Variants in PTK2 observed in about 807,000 individuals in gnomAD.
PTK2 encodes the protein protein tyrosine kinase 2.
In PTK2, 45 loss-of-function variants were observed where a neutral mutation model predicts 150.1. That is an observed-to-expected ratio of 0.30 (90% CI 0.24 to 0.38). PTK2 has a LOEUF of 0.38. Ranked by LOEUF, PTK2 falls within the 10% of genes least tolerant of loss-of-function variation. PTK2 has a pLI of 1.00. For missense variants in PTK2, 919 were observed against 1,307.3 expected (o/e 0.70, Z 4.58); for synonymous variants, 432 against 449.2 (o/e 0.96, Z 0.48).
At chr8:140,892,443 G>A (rs2100154561) in intron 2 of PTK2, among the ~76,000 whole-genome samples, 1 of 152,084 alleles carries the variant, frequency 6.6e-6, no homozygotes, top group African/African-American at 2.4e-5. Context: ...GGCTGAGGGG[G>A]GAGGATCACT....
At chr8:140,989,554 T>C (rs1053221930) in intron 1 of PTK2, among the ~76,000 whole-genome samples, 5 of 150,296 alleles carry the variant, frequency 3.3e-5, no homozygotes, top group East Asian at 2.0e-4. Context: ...GAAGACCTAA[T>C]AGAAAAATAC....
At chr8:140,908,648 C>T (rs2100161894) in intron 2 of PTK2, among the ~76,000 whole-genome samples, 2 of 152,100 alleles carry the variant, frequency 1.3e-5, no homozygotes, top group Admixed American at 1.3e-4. Context: ...AAGAATGATG[C>T]TAAATCCACT....
chr8:140,839,468 A>AT (rs1246058689), intron 7 of PTK2, among the ~76,000 whole-genome samples: 5 of 152,250 alleles, frequency 3.3e-5, no homozygotes, highest in African/African-American at 1.2e-4. Context: ...ACAGCTATGC[A>AT]TAAAAACTTG....
At chr8:140,952,396 T>C (rs563027341) in intron 1 of PTK2, among the ~76,000 whole-genome samples, 2 of 152,270 alleles carry the variant, frequency 1.3e-5, no homozygotes, top group South Asian at 2.1e-4. Flanking sequence ...AGGGACAGAA[T>C]AGGCTCCTCT....
At chr8:140,929,446 C>T (rs958927398) in intron 1 of PTK2, among the ~76,000 whole-genome samples, 5 of 152,150 alleles carry the variant, frequency 3.3e-5, no homozygotes, top group African/African-American at 9.7e-5. Flanking sequence ...CAATCACTGA[C>T]TAAGGGCTTA....
intron 2 of PTK2, among the ~76,000 whole-genome samples, chr8:140,900,102 G>C (rs568437673): frequency 5.1e-4 from 77 of 152,264 alleles, no homozygotes; most frequent in South Asian, 2.1e-3. Context: ...GTCCTGGCCA[G>C]AGCAATTAGA....
At chr8:140,800,220 G>A (rs2100094159) in intron 12 of PTK2, among the ~76,000 whole-genome samples, 1 of 152,068 alleles carries the variant, frequency 6.6e-6, no homozygotes, top group Non-Finnish European at 1.5e-5. Flanking sequence ...TAAGTAGGTA[G>A]CTCAAAACAC....
intron 4 of PTK2, among the ~76,000 whole-genome samples, chr8:140,872,075 C>T (rs1262591666): frequency 6.6e-6 from 1 of 151,938 alleles, no homozygotes; most frequent in East Asian, 1.9e-4. Flanking sequence ...GGTGTTGTGG[C>T]GTAAGGATGT....
chr8:140,673,474 T>C (rs1295186711), intron 29 of PTK2, among the ~76,000 whole-genome samples: 1 of 152,044 alleles, frequency 6.6e-6, no homozygotes, highest in South Asian at 2.1e-4. Flanking sequence ...CAAAACACCA[T>C]CCCAATTTTA....
At chr8:140,899,088 T>C (rs1601564390) in intron 2 of PTK2, among the ~76,000 whole-genome samples, 1 of 152,316 alleles carries the variant, frequency 6.6e-6, no homozygotes, top group South Asian at 2.1e-4. Context: ...AACCTAAATT[T>C]CCTGATTTTA....
intron 23 of PTK2, among the ~76,000 whole-genome samples, chr8:140,708,673 A>G (rs1317998208): frequency 6.6e-6 from 1 of 152,214 alleles, no homozygotes; most frequent in Non-Finnish European, 1.5e-5. Flanking sequence ...GGAAAAGGGT[A>G]TAAAGAGAGC....
chr8:140,959,919 G>A (rs1347411126), intron 1 of PTK2, among the ~76,000 whole-genome samples: 1 of 151,808 alleles, frequency 6.6e-6, no homozygotes, highest in East Asian at 1.9e-4. Flanking sequence ...GAAAGGCTGA[G>A]GTGGGAGGAT....
chr8:140,796,148 G>T (rs1478054863), intron 12 of PTK2, among the ~76,000 whole-genome samples: 1 of 152,190 alleles, frequency 6.6e-6, no homozygotes, highest in Non-Finnish European at 1.5e-5. Context: ...GGTAAAGAAA[G>T]AAATAAATCA....
chr8:140,792,832 T>A (rs2100089304), intron 13 of PTK2, among the ~76,000 whole-genome samples: 1 of 152,248 alleles, frequency 6.6e-6, no homozygotes, highest in Admixed American at 6.5e-5. Context: ...TTTACCTATG[T>A]ATCTGATTGT....
At chr8:140,684,986 T>G (rs559007087) in intron 27 of PTK2, among the ~76,000 whole-genome samples, 15 of 152,292 alleles carry the variant, frequency 9.8e-5, no homozygotes, top group African/African-American at 3.6e-4. Context: ...TTACATGACT[T>G]CAAACTATAC....
intron 2 of PTK2, among the ~76,000 whole-genome samples, chr8:140,914,530 T>C (rs985290375): frequency 1.3e-5 from 2 of 151,924 alleles, no homozygotes; most frequent in African/African-American, 4.8e-5. Flanking sequence ...ACCATCCAGG[T>C]ATTAAGCCTA....
At chr8:140,719,165 G>A (rs929489275) in intron 22 of PTK2, among the ~76,000 whole-genome samples, 1 of 151,916 alleles carries the variant, frequency 6.6e-6, no homozygotes, top group African/African-American at 2.4e-5. Context: ...AACAGAATGA[G>A]ACTCCACCTC....
chr8:140,779,892 CG>C (rs1595306834), intron 14 of PTK2, among the ~76,000 whole-genome samples: 1 of 152,068 alleles, frequency 6.6e-6, no homozygotes, highest in East Asian at 1.9e-4. Context: ...TGAACACTAC[CG>C]AACTCTGTGT....
At position 140,669,751 on chromosome 8, in the gene PTK2, A is replaced by G; in HGVS notation, c.2710-1327T>C. 1 of 1,533,062 alleles carries G rather than the reference A, an allele frequency of 6.5e-7. No individual in the cohort carries two copies. The highest frequency in any genetic ancestry group is 1.7e-4 in the Middle Eastern group (1 of 5,982). 95.0% of individuals were successfully genotyped at this position (1,533,062 alleles called of 1,614,324 possible). A position where few individuals can be genotyped will look rare whatever the true frequency, so the allele number is the denominator to read the frequency against. On this transcript the variant is annotated intron_variant, in intron 29 of 31. Transcript: ENST00000522684. ...CCCTCCATGGCTATTGTCGAACGGA[A>G]GGTGAGGAAAAGTTAAAGGAATTTA...
Sources: allele counts gnomAD v4.1 joint callset (sites outside exome capture counted in the v4.1 genomes callset), GRCh38; gene constraint gnomAD v4.1.1; transcripts MANE v1.5; gene names NCBI Gene and HGNC (gene_info 2026-07-23, HGNC 2026-07-21).